The following ZNF594 variants were observed in gnomAD, a reference collection of about 807,000 sequenced individuals.
The protein encoded by ZNF594 is zinc finger protein HZF18.
For missense variants in ZNF594, 1,037 were observed against 964.6 expected, an observed-to-expected ratio of 1.08 and a Z score of -0.99; for synonymous variants, 336 against 309.4, an observed-to-expected ratio of 1.09 and a Z score of -0.90.
chr17:5,177,665 C>T (rs193022938), downstream of ZNF594, among the ~76,000 whole-genome samples: 12 of 152,182 alleles, frequency 7.9e-5, no homozygotes, highest in Middle Eastern at 3.4e-3. Context: ...AGTGAAACCC[C>T]GTGTCTACTA....
Position 5,181,000 on chromosome 17 carries a change from G to A in ZNF594, c.*833C>T, listed in dbSNP as rs748245738. ...TCTTCAAATTCCTTTCCAATGTGAAGTTTCTGGTGCTTAAGAAAAGCTGTC... is the reference window on the plus strand; with the variant it reads ...TCTTCAAATTCCTTTCCAATGTGAAATTTCTGGTGCTTAAGAAAAGCTGTC... On this transcript the variant is annotated 3_prime_UTR_variant, in exon 2 of 2. Coordinates refer to ENST00000575779, the MANE Select transcript of ZNF594 (RefSeq NM_032530.2). 77 of 771,586 alleles carry A rather than the reference G, an allele frequency of 1.0e-4. No homozygotes were observed. The highest frequency in any genetic ancestry group is 1.6e-4 in the Non-Finnish European group (72 of 445,084). 47.8% of individuals were successfully genotyped at this position (771,586 alleles called of 1,614,324 possible).
rs2074340872 is a variant in ZNF594, at chr17:5,181,593, A to G, written c.*240T>C. 1 of 1,612,346 alleles carries G rather than the reference A, an allele frequency of 6.2e-7. No homozygotes were observed. The highest frequency in any genetic ancestry group is 8.5e-7 in the Non-Finnish European group (1 of 1,178,460). On this transcript the variant is annotated 3_prime_UTR_variant, in exon 2 of 2. Coordinates refer to ENST00000575779, the MANE Select transcript of ZNF594 (RefSeq NM_032530.2). The stretch of plus-strand genomic sequence containing the variant: ...ACCACTATGAATTCTCCGACGTTGA[A>G]TAAGGAGTGAACGCCGCCTGAAGGC...
chr17:5,189,059 T>C (rs76411300), intron 1 of ZNF594, among the ~76,000 whole-genome samples: 2,355 of 150,982 alleles, frequency 0.016, 24 homozygotes, highest in Non-Finnish European at 0.026. Context: ...AAATTTGACA[T>C]TTTTAATTTA....
chr17:5,188,201 T>C (rs545121935), intron 1 of ZNF594, among the ~76,000 whole-genome samples: 1 of 149,026 alleles, frequency 6.7e-6, no homozygotes, highest in African/African-American at 2.5e-5. Flanking sequence ...CATATATATA[T>C]AGAGAGAGAG....
At chr17:5,190,768 G>C (rs757801701) in intron 1 of ZNF594, among the ~76,000 whole-genome samples, 2 of 152,098 alleles carry the variant, frequency 1.3e-5, no homozygotes, top group Non-Finnish European at 2.9e-5. Flanking sequence ...CTCCATTTTA[G>C]TTTCTCCACT....
intron 1 of ZNF594, among the ~76,000 whole-genome samples, chr17:5,190,330 T>C (rs2074413473): frequency 6.6e-6 from 1 of 152,160 alleles, no homozygotes; most frequent in Admixed American, 6.5e-5. Flanking sequence ...ATCGCACCAC[T>C]GCACTCTAGT....
intron 1 of ZNF594, among the ~76,000 whole-genome samples, chr17:5,184,821 C>T (rs902841723): frequency 2.0e-5 from 3 of 152,184 alleles, no homozygotes; most frequent in South Asian, 2.1e-4. Flanking sequence ...AAATCTTGTA[C>T]GAACTGGCAA....
Position 5,184,098 on chromosome 17 carries a change from C to T in ZNF594, c.159G>A (p.Lys53=), listed in dbSNP as rs1458865258. 4.3e-6 allele frequency: 7 copies of T among 1,614,092 alleles called. No homozygotes were observed. The highest frequency in any genetic ancestry group is 5.9e-6 in the Non-Finnish European group (7 of 1,180,050). The change falls in exon 2 of 2, where the codon AAG becomes AAA. Residue 53 remains lysine, a synonymous_variant. Coordinates refer to ENST00000575779, the MANE Select transcript of ZNF594 (RefSeq NM_032530.2). ...RLLKHWVSPL[K]DAMRHLPSQE... Reference sequence around the variant, plus strand: ...GGGAAGGGAGATGTCTCATTGCATCCTTTAAAGGGCTTACCCAGTGCTTCA... The same window carrying T: ...GGGAAGGGAGATGTCTCATTGCATCTTTTAAAGGGCTTACCCAGTGCTTCA...
chr17:5,181,603 A>G lies in ZNF594; in HGVS notation c.*230T>C, dbSNP rs987019101. 5 of 1,610,296 alleles carry G rather than the reference A, an allele frequency of 3.1e-6. No homozygotes were observed. Among genetic ancestry groups the G allele is most frequent in the Non-Finnish European group, 4.2e-6 (5 of 1,176,704 alleles). ...ATTCTCCGACGTTGAATAAGGAGTG[A>G]ACGCCGCCTGAAGGCTTTTTCACAT... On this transcript the variant is annotated 3_prime_UTR_variant, in exon 2 of 2. Coordinates refer to ENST00000575779, the MANE Select transcript of ZNF594 (RefSeq NM_032530.2).
intron 1 of ZNF594, among the ~76,000 whole-genome samples, chr17:5,187,731 A>G (rs1320503620): frequency 6.6e-6 from 1 of 152,190 alleles, no homozygotes; most frequent in Admixed American, 6.5e-5. Context: ...TGTTATGAGA[A>G]TCAAATATAT....
chr17:5,175,285 G>C (rs950927014), downstream of ZNF594, among the ~76,000 whole-genome samples: 1 of 152,156 alleles, frequency 6.6e-6, no homozygotes, highest in Non-Finnish European at 1.5e-5. Flanking sequence ...TCTGCCTCCT[G>C]TTAGATCAGC....
At chr17:5,190,454 G>A (rs1388109755) in intron 1 of ZNF594, among the ~76,000 whole-genome samples, 1 of 152,172 alleles carries the variant, frequency 6.6e-6, no homozygotes, top group Non-Finnish European at 1.5e-5. Context: ...GCTGGCCTAG[G>A]GGCCACTATT....
downstream of ZNF594, among the ~76,000 whole-genome samples, chr17:5,176,395 C>CAA (rs34510280): frequency 3.0e-4 from 26 of 85,576 alleles, no homozygotes; most frequent in Middle Eastern, 6.0e-3. Flanking sequence ...AACTCTGTCT[C>CAA]AAAAAAAAAA....
chr17:5,182,683 A>G lies in ZNF594; in HGVS notation c.1574T>C (p.Phe525Ser), dbSNP rs1304257121. The change falls in exon 2 of 2, where the codon TTC (phenylalanine) becomes TCC (serine). Residue 525 changes from phenylalanine (F) to serine (S), a missense_variant. By Grantham distance (155) the Phe-to-Ser change is radical. Coordinates refer to ENST00000575779, the MANE Select transcript of ZNF594 (RefSeq NM_032530.2). ...PYECKECGKL[F>S]IWRTAFLKHQ... Reference sequence around the variant, plus strand: ...TTTGAGGAAAGCTGTGCGCCAAATGAAGAGCTTCCCACATTCCTTACATTC... The same window carrying G: ...TTTGAGGAAAGCTGTGCGCCAAATGGAGAGCTTCCCACATTCCTTACATTC... 2 of 1,613,906 alleles carry G rather than the reference A, an allele frequency of 1.2e-6. No homozygotes were observed. The highest frequency in any genetic ancestry group is 8.5e-7 in the Non-Finnish European group (1 of 1,179,964).
chr17:5,176,921 C>T (rs1391349531), downstream of ZNF594, among the ~76,000 whole-genome samples: 1 of 151,924 alleles, frequency 6.6e-6, no homozygotes, highest in Non-Finnish European at 1.5e-5. Flanking sequence ...TAGGGTTGGG[C>T]GCAGAGGCTC....
chr17:5,185,506 C>G (rs1292125947), intron 1 of ZNF594, among the ~76,000 whole-genome samples: 2 of 152,160 alleles, frequency 1.3e-5, no homozygotes, highest in Non-Finnish European at 2.9e-5. Context: ...AGTGGGGACA[C>G]AGAGCCAAAC....
downstream of ZNF594, among the ~76,000 whole-genome samples, chr17:5,177,196 A>G (rs924858081): frequency 1.3e-5 from 2 of 149,198 alleles, no homozygotes; most frequent in African/African-American, 5.0e-5. Flanking sequence ...TCTCTGTCTC[A>G]TAAAAAAAAA....
At chr17:5,186,487 G>A (rs904093009) in intron 1 of ZNF594, among the ~76,000 whole-genome samples, 1 of 152,250 alleles carries the variant, frequency 6.6e-6, no homozygotes, top group Non-Finnish European at 1.5e-5. Flanking sequence ...GGGAGGGGCT[G>A]CTGTGAAGAC....
chr17:5,190,536 T>C (rs2074415063), intron 1 of ZNF594, among the ~76,000 whole-genome samples: 1 of 152,222 alleles, frequency 6.6e-6, no homozygotes, highest in Non-Finnish European at 1.5e-5. Context: ...TCCTTTTTAA[T>C]TCACATTCAT....
Sources: allele counts gnomAD v4.1 joint callset (sites outside exome capture counted in the v4.1 genomes callset), GRCh38; gene constraint gnomAD v4.1.1; transcripts MANE v1.5; gene names NCBI Gene and HGNC (gene_info 2026-07-23, HGNC 2026-07-21).